TBC1D32: variants seen among roughly 807,000 people sequenced by gnomAD.
TBC1D32 encodes the protein TBC1 domain family member 32.
TBC1D32 carries 151 observed loss-of-function variants against 170.3 expected under a neutral mutation model. The observed-to-expected ratio is 0.89, with a 90% CI of 0.78 to 1.01. The LOEUF is 1.01. TBC1D32 is among the 50% of genes least tolerant of loss of function. The probability of loss-of-function intolerance (pLI) is 0.00; values close to 1 mark genes in which losing one functional copy is unlikely to be tolerated. For synonymous variants in TBC1D32, 498 were observed against 488.0 expected, an observed-to-expected ratio of 1.02 and a Z score of -0.27; for missense variants, 1,464 against 1,457.1, an observed-to-expected ratio of 1.00 and a Z score of -0.08.
chr6:121,274,272 G>T (rs1801928183), intron 15 of TBC1D32, among the ~76,000 whole-genome samples: 1 of 151,888 alleles, frequency 6.6e-6, no homozygotes, highest in South Asian at 2.1e-4. Flanking sequence ...GGCGGAGGTT[G>T]CAGTGAGCCA....
At position 121,090,880 on chromosome 6, in the gene TBC1D32, C is replaced by A. The variant is rs1470105093; in HGVS notation, c.3627G>T (p.Gln1209His). 41 of 1,610,926 alleles carry A rather than the reference C, an allele frequency of 2.5e-5. No individual in the cohort carries two copies. Among genetic ancestry groups the A allele is most frequent in the Middle Eastern group, 1.7e-4 (1 of 5,980 alleles). ...TTAGGAAAACTTGCAGATCTTGAGTCTGAGTGTGCTGTAGAATGTCTTGCT... is the reference window on the plus strand; with the variant it reads ...TTAGGAAAACTTGCAGATCTTGAGTATGAGTGTGCTGTAGAATGTCTTGCT... ...HLQQDILQHT[Q>H]TQDLQVFLKE... is the part of the protein sequence containing the mutation. The change falls in exon 31 of 32, where the codon CAG becomes CAT. Residue 1209 changes from glutamine to histidine, a missense_variant. Transcript: ENST00000398212.
At chr6:121,257,298 A>G (rs113117036) in intron 15 of TBC1D32, among the ~76,000 whole-genome samples, 7,712 of 151,834 alleles carry the variant, frequency 0.051, 371 homozygotes, top group African/African-American at 0.12. Flanking sequence ...TCTACCTCCT[A>G]CTGCATGAAG....
intron 29 of TBC1D32, among the ~76,000 whole-genome samples, chr6:121,110,996 G>A (rs1705441493): frequency 6.6e-6 from 1 of 152,164 alleles, no homozygotes; most frequent in African/African-American, 2.4e-5. Flanking sequence ...TTCACTGACA[G>A]TGTAGCTGCA....
In TBC1D32 at chr6:121,269,351, CTA is replaced by C. The variant is rs1801018036; in HGVS notation, c.1733+9768_1733+9769del. 2.0e-5 allele frequency among the ~76,000 whole-genome samples: 3 copies of C among 152,022 alleles called. No individual in the cohort carries two copies. The South Asian group carries it at 6.2e-4, about 32-fold the overall frequency. The stretch of plus-strand genomic sequence containing the variant: ...TAAAGAGTCAAGACCCATCAGTGTG[CTA>C]TATTCAGGAGACCCATATCATGAGA... On this transcript the variant is annotated intron_variant, in intron 15 of 31. Coordinates refer to ENST00000398212, the MANE Select transcript of TBC1D32 (RefSeq NM_152730.6).
chr6:121,262,180 T>C (rs1799851454), intron 15 of TBC1D32, among the ~76,000 whole-genome samples: 1 of 152,114 alleles, frequency 6.6e-6, no homozygotes, highest in Non-Finnish European at 1.5e-5. Context: ...ACGGGAAGAA[T>C]GGAACCAAGT....
At chr6:121,190,956 T>C (rs1789926963) in intron 22 of TBC1D32, among the ~76,000 whole-genome samples, 1 of 152,160 alleles carries the variant, frequency 6.6e-6, no homozygotes, top group Non-Finnish European at 1.5e-5. Context: ...AAACATTTCT[T>C]TTCTATTAAC....
intron 1 of TBC1D32, among the ~76,000 whole-genome samples, chr6:121,329,769 T>A (rs1023405676): frequency 2.2e-4 from 34 of 152,262 alleles, no homozygotes; most frequent in Admixed American, 2.0e-3. Flanking sequence ...TGAATTGTAA[T>A]GTTGACATGA....
intron 24 of TBC1D32, among the ~76,000 whole-genome samples, chr6:121,158,188 C>T (rs1785157315): frequency 6.6e-6 from 1 of 152,076 alleles, no homozygotes; most frequent in Non-Finnish European, 1.5e-5. Context: ...AGTTTTGTCA[C>T]TTTTAAAAAT....
At chr6:121,096,277 T>C (rs925320586) in intron 30 of TBC1D32, 3 of 151,784 alleles carry the variant, frequency 2.0e-5, no homozygotes, top group African/African-American at 7.3e-5. Flanking sequence ...TCAATGGTGA[T>C]ACTGTACATT....
chr6:121,279,622 T>C (rs1232770573), intron 14 of TBC1D32, among the ~76,000 whole-genome samples: 1 of 151,926 alleles, frequency 6.6e-6, no homozygotes, highest in Non-Finnish European at 1.5e-5. Flanking sequence ...ATATATGGTA[T>C]CTAACACACT....
intron 17 of TBC1D32, among the ~76,000 whole-genome samples, chr6:121,251,849 A>G (rs1411072081): frequency 1.3e-5 from 2 of 152,218 alleles, no homozygotes; most frequent in Non-Finnish European, 2.9e-5. Context: ...CAACTTAAGG[A>G]AATTTACAAG....
At chr6:121,189,585 A>C (rs1789672702) in intron 22 of TBC1D32, among the ~76,000 whole-genome samples, 1 of 152,048 alleles carries the variant, frequency 6.6e-6, no homozygotes, top group South Asian at 2.1e-4. Flanking sequence ...AATGCTTGTA[A>C]CATGTTTGAT....
At chr6:121,328,635 C>T (rs1157762085) in intron 1 of TBC1D32, among the ~76,000 whole-genome samples, 1 of 152,098 alleles carries the variant, frequency 6.6e-6, no homozygotes, top group Non-Finnish European at 1.5e-5. Flanking sequence ...TTTATAATTG[C>T]TATACTTCTT....
At chr6:121,158,155 T>A (rs1186919186) in intron 24 of TBC1D32, among the ~76,000 whole-genome samples, 1 of 145,544 alleles carries the variant, frequency 6.9e-6, no homozygotes, top group Non-Finnish European at 1.5e-5. Flanking sequence ...TTGGTCTCTT[T>A]ACATAATCTC....
chr6:121,141,873 G>C (rs904603810), intron 24 of TBC1D32, among the ~76,000 whole-genome samples: 3 of 152,090 alleles, frequency 2.0e-5, no homozygotes, highest in African/African-American at 7.2e-5. Context: ...TTAGGAAAAG[G>C]TTATGGCTAA....
At chr6:121,155,249 G>A (rs769036227) in intron 24 of TBC1D32, among the ~76,000 whole-genome samples, 16 of 151,994 alleles carry the variant, frequency 1.1e-4, no homozygotes, top group Non-Finnish European at 2.1e-4. Flanking sequence ...GCTTTACTGT[G>A]TGTGGGTGTG....
intron 5 of TBC1D32, among the ~76,000 whole-genome samples, chr6:121,305,124 C>T (rs891565331): frequency 6.6e-6 from 1 of 151,902 alleles, no homozygotes; most frequent in Non-Finnish European, 1.5e-5. Flanking sequence ...ATAGAGGAGA[C>T]AATGTAAAGG....
rs76528521 is a variant in TBC1D32 at position 121,316,379 on chromosome 6, T to G, written c.495+1116A>C. 5.8e-4 allele frequency among the ~76,000 whole-genome samples: 89 copies of G among 152,270 alleles called. No homozygotes were observed. In the East Asian group the frequency reaches 0.014, roughly 23 times the overall value. On this transcript the variant is annotated intron_variant, in intron 3 of 31. Transcript: ENST00000398212. ...CATAAAATTGGGTTTTCTGTGCCTT[T>G]TAAGTCCAGAAAGTCCTTGATTTGA...
intron 21 of TBC1D32, among the ~76,000 whole-genome samples, chr6:121,221,597 G>A (rs1794533321): frequency 6.6e-6 from 1 of 152,214 alleles, no homozygotes; most frequent in Non-Finnish European, 1.5e-5. Flanking sequence ...TTTGGAAGAA[G>A]CTGATTCCAA....
Sources: allele counts gnomAD v4.1 joint callset (sites outside exome capture counted in the v4.1 genomes callset), GRCh38; gene constraint gnomAD v4.1.1; transcripts MANE v1.5; gene names NCBI Gene and HGNC (gene_info 2026-07-23, HGNC 2026-07-21).